The following KDM6A variants were observed in gnomAD, a reference collection of about 807,000 sequenced individuals.
KDM6A encodes the protein lysine demethylase 6A.
KDM6A carries 11 observed loss-of-function variants against 117.6 expected under a neutral mutation model. The observed-to-expected ratio is 0.09, with a 90% CI of 0.06 to 0.15. The LOEUF is 0.15. Ranked by LOEUF, KDM6A falls within the 10% of genes least tolerant of loss-of-function variation. KDM6A has a pLI of 1.00. For synonymous variants in KDM6A, 384 were observed against 396.1 expected (o/e 0.97, Z 0.36); for missense variants, 799 against 1,077.3 (o/e 0.74, Z 3.62).
intron 4 of KDM6A, among the ~76,000 whole-genome samples, chrX:45,000,067 T>C (rs181083264): frequency 1.8e-5 from 2 of 111,937 alleles, no homozygotes; most frequent in Non-Finnish European, 3.8e-5. Flanking sequence ...AAGTACAACA[T>C]TGAGTTTTCA....
In KDM6A at chrX:45,070,301, A is replaced by T. The variant is rs2044759382; in HGVS notation, c.2802A>T (p.Ile934=). Residue 934 remains isoleucine (I), a synonymous_variant, in exon 18 of 30, where the codon ATA becomes ATT. Transcript: ENST00000611820. ...LVNHKPSPQI[I]PSMSVSIYPS... ...ACCACAAACCTAGTCCACAGATCAT[A>T]CCATCAATGTCTGTGTCCATATACC... The T allele has an allele frequency of 8.3e-7, 1 of 1,208,266 alleles. No individual in the cohort carries two copies. The highest frequency in any genetic ancestry group is 1.8e-5 in the African/African-American group (1 of 57,121).
intron 27 of KDM6A, chrX:45,106,534 T>C (rs1383084699): frequency 2.9e-6 from 1 of 339,884 alleles, no homozygotes; most frequent in Non-Finnish European, 5.9e-6. Context: ...CCATTTCCTT[T>C]TCTTTAGGAT....
chrX:44,905,543 C>T (rs1245562556), intron 2 of KDM6A, among the ~76,000 whole-genome samples: 2 of 111,725 alleles, frequency 1.8e-5, no homozygotes, highest in Non-Finnish European at 3.8e-5. Context: ...CATGACTGTA[C>T]GTGGTTTCGA....
At chrX:44,902,052 C>A (rs866248306) in intron 2 of KDM6A, among the ~76,000 whole-genome samples, 1 of 111,653 alleles carries the variant, frequency 9.0e-6, no homozygotes, top group Middle Eastern at 4.7e-3. Flanking sequence ...CATGGCAATA[C>A]CCCTTCTCTG....
intron 7 of KDM6A, 84 bp downstream of exon 7, chrX:45,035,069 G>A (rs1372830972): frequency 1.2e-6 from 1 of 827,600 alleles, no homozygotes; most frequent in African/African-American, 2.0e-5. Flanking sequence ...GATAAATTCT[G>A]TGCAATTTTT....
intron 5 of KDM6A, among the ~76,000 whole-genome samples, chrX:45,013,047 A>G (rs2041831435): frequency 8.9e-6 from 1 of 112,043 alleles, no homozygotes; most frequent in Non-Finnish European, 1.9e-5. Context: ...CTACTTATAG[A>G]ATTCAAATTC....
chrX:45,063,394 A>C (rs1264882567), intron 16 of KDM6A, 28 bp from the exon 17 acceptor site: 1 of 1,192,157 alleles, frequency 8.4e-7, no homozygotes, highest in Admixed American at 2.2e-5. Context: ...CACAACCAGC[A>C]TTTACTTTTC....
chrX:45,037,257 C>A (rs2042857391), intron 7 of KDM6A, among the ~76,000 whole-genome samples: 1 of 111,736 alleles, frequency 8.9e-6, no homozygotes, highest in African/African-American at 3.2e-5. Flanking sequence ...TGATTTTACT[C>A]TTTTTTGACT....
At position 45,037,141 on chromosome X, in the gene KDM6A, C is replaced by G. The variant is rs756049241; in HGVS notation, c.620-514C>G. Among the ~76,000 whole-genome samples the G allele has an allele frequency of 5.3e-5, 6 of 112,589 alleles. No homozygotes were observed. The South Asian group carries it at 1.4e-3, about 27-fold the overall frequency. ...GTACCTACTTTGAGCCAGTATTACT[C>G]TTTTCAACACCAGGCTCCTTATTGT... On this transcript the variant is annotated intron_variant, in intron 7 of 29. Transcript: ENST00000611820.
intron 4 of KDM6A, among the ~76,000 whole-genome samples, chrX:45,003,196 G>T (rs983179732): frequency 9.1e-6 from 1 of 109,482 alleles, no homozygotes; most frequent in African/African-American, 3.3e-5. Context: ...TACAAGAGTT[G>T]CCCTATCAAT....
intron 8 of KDM6A, among the ~76,000 whole-genome samples, chrX:45,050,203 G>A (rs2043773817): frequency 8.9e-6 from 1 of 112,607 alleles, no homozygotes; most frequent in Non-Finnish European, 1.9e-5. Flanking sequence ...GGCGGGCGTG[G>A]TGGCACATGC....
chrX:44,938,080 A>G (rs1171180780), intron 2 of KDM6A, among the ~76,000 whole-genome samples: 2 of 111,627 alleles, frequency 1.8e-5, no homozygotes, highest in Admixed American at 1.9e-4. Flanking sequence ...GGCTCAAGCC[A>G]TCTTCCTACC....
intron 25 of KDM6A, among the ~76,000 whole-genome samples, chrX:45,088,067 CTGTT>C (rs1324056772): frequency 4.5e-5 from 5 of 110,597 alleles, no homozygotes; most frequent in East Asian, 2.8e-4. Context: ...CGGGGGGTGT[CTGTT>C]TGGGATTACT....
At chrX:45,040,501 C>A (rs1180321836) in intron 8 of KDM6A, among the ~76,000 whole-genome samples, 2 of 71,673 alleles carry the variant, frequency 2.8e-5, no homozygotes, top group Non-Finnish European at 5.5e-5. Context: ...GGGGGGCTGA[C>A]CCCCCCACCT....
chrX:44,926,005 C>T lies in KDM6A; in HGVS notation c.226-35279C>T, dbSNP rs2036282105. 3.6e-5 allele frequency among the ~76,000 whole-genome samples: 4 copies of T among 111,262 alleles called. No individual in the cohort carries two copies. In the South Asian group the frequency reaches 1.5e-3, roughly 43 times the overall value. ...TATCCAATCACTGGACTTCAGTGATCCTTTTCTGGAAATTCTTTAGAGGTA... is the reference window on the plus strand; with the variant it reads ...TATCCAATCACTGGACTTCAGTGATTCTTTTCTGGAAATTCTTTAGAGGTA... On this transcript the variant is annotated intron_variant, in intron 2 of 29. Transcript: ENST00000611820.
At chrX:44,919,131 T>C (rs1602189066) in intron 2 of KDM6A, among the ~76,000 whole-genome samples, 1 of 112,082 alleles carries the variant, frequency 8.9e-6, no homozygotes, top group Admixed American at 9.5e-5. Context: ...GTTTACCTTG[T>C]TATCAGTATC....
At position 44,946,523 on chromosome X, in the gene KDM6A, A is replaced by AT. The variant is rs1157240689; in HGVS notation, c.226-14751dup. Among the ~76,000 whole-genome samples the AT allele has an allele frequency of 1.3e-3, 138 of 109,073 alleles. 1 individual carries two copies. Among genetic ancestry groups the AT allele is most frequent in the Middle Eastern group, 4.7e-3 (1 of 214 alleles). The allele number at this position is 109,073 out of a possible 115,157, so 94.7% of individuals were successfully genotyped here. On this transcript the variant is annotated intron_variant, in intron 2 of 29. Coordinates refer to ENST00000611820, the MANE Select transcript of KDM6A (RefSeq NM_001291415.2). The stretch of plus-strand genomic sequence containing the variant: ...TCAGTTGTGGCTTGCCTTTATACTA[A>AT]TTTTTTTTTTATAAACATAAGTTCT...
At chrX:45,054,680 G>GAT (rs1318734854) in intron 10 of KDM6A, among the ~76,000 whole-genome samples, 1 of 111,781 alleles carries the variant, frequency 8.9e-6, no homozygotes, top group Admixed American at 9.5e-5. Context: ...TCGCTTTCAT[G>GAT]ATATGGTGAA....
intron 8 of KDM6A, among the ~76,000 whole-genome samples, chrX:45,049,099 C>T (rs1043139696): frequency 9.0e-6 from 1 of 111,188 alleles, no homozygotes; most frequent in Admixed American, 9.5e-5. Flanking sequence ...TATTTGTATT[C>T]CTAATTTTTT....
Sources: gnomAD v4.1 joint callset for allele counts (sites outside exome capture counted in the v4.1 genomes callset) on GRCh38, gnomAD v4.1.1 for gene constraint, MANE v1.5 for transcripts, NCBI Gene and HGNC (gene_info 2026-07-23, HGNC 2026-07-21) for gene names.